TMEM117: variants seen among roughly 807,000 people sequenced by gnomAD.
TMEM117 encodes the protein transmembrane protein 117.
In TMEM117, 27 loss-of-function variants were observed where a neutral mutation model predicts 52.4. That is an observed-to-expected ratio of 0.51 (90% CI 0.38 to 0.71). The LOEUF (loss-of-function observed/expected upper bound fraction) is 0.71. Ranked by LOEUF, TMEM117 falls within the 30% of genes least tolerant of loss-of-function variation. TMEM117 has a pLI of 0.00. For missense variants in TMEM117, 556 were observed against 630.5 expected, an observed-to-expected ratio of 0.88 and a Z score of 1.26; for synonymous variants, 215 against 206.3, an observed-to-expected ratio of 1.04 and a Z score of -0.36.
At chr12:43,957,397 A>G (rs1945326340) in intron 3 of TMEM117, among the ~76,000 whole-genome samples, 1 of 152,236 alleles carries the variant, frequency 6.6e-6, no homozygotes, top group Non-Finnish European at 1.5e-5. Flanking sequence ...TATAGTAATC[A>G]CAGTTGAACT....
chr12:43,920,400 C>G (rs894908270), intron 2 of TMEM117, among the ~76,000 whole-genome samples: 1 of 152,002 alleles, frequency 6.6e-6, no homozygotes, highest in Admixed American at 6.6e-5. Context: ...GTAGTCCAAG[C>G]TACTCTGGAG....
intron 2 of TMEM117, among the ~76,000 whole-genome samples, chr12:43,907,413 A>G (rs1008652096): frequency 4.0e-5 from 6 of 151,248 alleles, no homozygotes; most frequent in Non-Finnish European, 5.9e-5. Flanking sequence ...GAGCAGAAAA[A>G]CTGGAAACTC....
chr12:44,359,831 A>G (rs954186619), intron 6 of TMEM117, among the ~76,000 whole-genome samples: 8 of 152,172 alleles, frequency 5.3e-5, no homozygotes, highest in African/African-American at 1.9e-4. Context: ...GTTACAAACT[A>G]TGTTTACAAG....
intron 6 of TMEM117, among the ~76,000 whole-genome samples, chr12:44,315,809 G>A (rs1354445359): frequency 1.3e-5 from 2 of 152,110 alleles, no homozygotes; most frequent in Non-Finnish European, 2.9e-5. Context: ...ATTATATAAT[G>A]TCCTTCTTTT....
chr12:44,149,462 A>G (rs985990100), intron 4 of TMEM117, among the ~76,000 whole-genome samples: 2 of 152,230 alleles, frequency 1.3e-5, no homozygotes, highest in Admixed American at 6.5e-5. Flanking sequence ...TCTAGCTTAA[A>G]TATAGATAAT....
At chr12:43,798,317 A>C in the TMEM117 span, among the ~76,000 whole-genome samples, 1 of 152,128 alleles carries the variant, frequency 6.6e-6, no homozygotes, top group South Asian at 2.1e-4. Context: ...CAGAAGTTCC[A>C]GACTTAAGAG....
At chr12:44,183,489 C>T (rs563616707) in intron 4 of TMEM117, among the ~76,000 whole-genome samples, 1 of 152,252 alleles carries the variant, frequency 6.6e-6, no homozygotes, top group South Asian at 2.1e-4. Flanking sequence ...CTGGTTCCTG[C>T]ACAATTATCA....
chr12:44,070,647 G>GC (rs1947287770), intron 3 of TMEM117, among the ~76,000 whole-genome samples: 1 of 152,194 alleles, frequency 6.6e-6, no homozygotes, highest in Non-Finnish European at 1.5e-5. Context: ...GAAAGCCAAG[G>GC]CCCAGAGGGA....
chr12:44,348,113 G>A (rs1470632611), intron 6 of TMEM117, among the ~76,000 whole-genome samples: 1 of 151,986 alleles, frequency 6.6e-6, no homozygotes, highest in Non-Finnish European at 1.5e-5. Context: ...AAGAGGATGT[G>A]AAAGTTTTAT....
At chr12:44,185,268 A>G (rs1478533665) in intron 4 of TMEM117, among the ~76,000 whole-genome samples, 6 of 152,230 alleles carry the variant, frequency 3.9e-5, no homozygotes, top group Admixed American at 2.0e-4. Context: ...TGCTGAAACA[A>G]TGGTTGAAGG....
chr12:44,066,533 C>T (rs1056335729), intron 3 of TMEM117, among the ~76,000 whole-genome samples: 5 of 152,066 alleles, frequency 3.3e-5, no homozygotes, highest in Admixed American at 6.6e-5. Context: ...TTCAATAAAG[C>T]GAGTCACATG....
At chr12:44,353,334 C>T (rs935720193) in intron 6 of TMEM117, among the ~76,000 whole-genome samples, 9 of 152,136 alleles carry the variant, frequency 5.9e-5, no homozygotes, top group African/African-American at 2.2e-4. Flanking sequence ...TCTTTGGTTG[C>T]CATTGCTTTT....
chr12:44,369,657 A>T (rs1247784364), intron 6 of TMEM117, among the ~76,000 whole-genome samples: 1 of 152,226 alleles, frequency 6.6e-6, no homozygotes, highest in Non-Finnish European at 1.5e-5. Flanking sequence ...AAAAGCACAT[A>T]AAAAAGTGAA....
intron 3 of TMEM117, among the ~76,000 whole-genome samples, chr12:44,107,821 T>C (rs1947986287): frequency 6.6e-6 from 1 of 152,184 alleles, no homozygotes; most frequent in Admixed American, 6.5e-5. Flanking sequence ...GCAAAAATTA[T>C]ATCCACAAAA....
In TMEM117 at chr12:43,867,962, AT is replaced by A. The variant is rs34593902; in HGVS notation, c.277+23040del. Among the ~76,000 whole-genome samples the A allele has an allele frequency of 4.5e-3, 681 of 152,246 alleles. 7 individuals are homozygous for A. The highest frequency in any genetic ancestry group is 0.015 in the African/African-American group (636 of 41,532). On this transcript the variant is annotated intron_variant, in intron 2 of 7. Coordinates refer to ENST00000266534, the MANE Select transcript of TMEM117 (RefSeq NM_032256.3). The stretch of plus-strand genomic sequence containing the variant: ...ACATTACTCCAGAAAAAGAATACAC[AT>A]TTTTTCAAGTACAATGGAATATTAA...
At chr12:43,951,399 A>G (rs1945219239) in intron 3 of TMEM117, among the ~76,000 whole-genome samples, 1 of 152,166 alleles carries the variant, frequency 6.6e-6, no homozygotes, top group African/African-American at 2.4e-5. Context: ...CTGGCTTGAA[A>G]TCCCCATTAC....
chr12:44,369,686 A>G (rs1243732524), intron 6 of TMEM117, among the ~76,000 whole-genome samples: 1 of 152,220 alleles, frequency 6.6e-6, no homozygotes, highest in Non-Finnish European at 1.5e-5. Flanking sequence ...CAACATTTCA[A>G]ATAAGGGTTT....
At chr12:44,164,853 C>T (rs1421413711) in intron 4 of TMEM117, among the ~76,000 whole-genome samples, 2 of 152,096 alleles carry the variant, frequency 1.3e-5, no homozygotes, top group Non-Finnish European at 2.9e-5. Flanking sequence ...ATGCATGCAA[C>T]GTGTAATGAT....
chr12:43,973,110 G>A (rs182122385), intron 3 of TMEM117, among the ~76,000 whole-genome samples: 82 of 152,216 alleles, frequency 5.4e-4, no homozygotes, highest in African/African-American at 2.0e-3. Flanking sequence ...ATTTTGAGAG[G>A]GAACTCTCTG....
Sources: allele counts gnomAD v4.1 joint callset (sites outside exome capture counted in the v4.1 genomes callset), GRCh38; gene constraint gnomAD v4.1.1; transcripts MANE v1.5; gene names NCBI Gene and HGNC (gene_info 2026-07-23, HGNC 2026-07-21).